The following PCDHA11 variants were observed in gnomAD, a reference collection of about 807,000 sequenced individuals.
The protein encoded by PCDHA11 is protocadherin alpha 11, also known as protocadherin alpha-11.
A neutral mutation model predicts 70.3 loss-of-function variants in PCDHA11; 61 were observed. The observed-to-expected ratio is 0.87, with a 90% CI of 0.71 to 1.07. PCDHA11 has a LOEUF of 1.07. Among genes scored for constraint, PCDHA11 ranks in the 50% least tolerant of loss-of-function variants. The probability of loss-of-function intolerance (pLI) is 0.00; values close to 1 mark genes in which losing one functional copy is unlikely to be tolerated. For synonymous variants in PCDHA11, 633 were observed against 555.1 expected, an observed-to-expected ratio of 1.14 and a Z score of -1.97; for missense variants, 1,324 against 1,237.5, an observed-to-expected ratio of 1.07 and a Z score of -1.05.
At chr5:140,876,567 G>A (rs782286416) in intron 1 of PCDHA11, 1 of 1,614,186 alleles carries the variant, frequency 6.2e-7, no homozygotes, top group Non-Finnish European at 8.5e-7. Context: ...ATGCTCAGGT[G>A]GGTACCGTCA....
intron 1 of PCDHA11, chr5:140,876,225 G>C: frequency 1.2e-6 from 2 of 1,613,982 alleles, no homozygotes; most frequent in Non-Finnish European, 1.7e-6. Context: ...AAGTAGTGTT[G>C]TCTGAAAATG....
chr5:140,926,223 TAGA>T, intron 1 of PCDHA11: 1 of 152,200 alleles, frequency 6.6e-6, no homozygotes, highest in Non-Finnish European at 1.5e-5. Flanking sequence ...TCCTTAAGCC[TAGA>T]AGGTGTGGTC....
chr5:140,876,774 G>A lies in PCDHA11; in HGVS notation c.2391+5280G>A, dbSNP rs370558767. 5.3e-5 allele frequency: 85 copies of A among 1,614,110 alleles called. No homozygotes were observed. The South Asian group carries it at 8.5e-4, about 16-fold the overall frequency. ...CTGCGCGGGATGGGGGCTCGCCTTC[G>A]CTGTGGGCCACGGCTAGAGTGTCCG... is the stretch of plus-strand genomic sequence containing the variant. On this transcript the variant is annotated intron_variant, in intron 1 of 3. Coordinates refer to ENST00000398640, the MANE Select transcript of PCDHA11 (RefSeq NM_018902.5).
chr5:140,912,918 G>A (rs1302662045), intron 1 of PCDHA11, among the ~76,000 whole-genome samples: 16 of 152,284 alleles, frequency 1.1e-4, no homozygotes, highest in Middle Eastern at 3.4e-3. Flanking sequence ...ATTGATTTGT[G>A]TATGTTGAAT....
chr5:140,962,855 G>A (rs556272423), intron 1 of PCDHA11, among the ~76,000 whole-genome samples: 286 of 152,196 alleles, frequency 1.9e-3, no homozygotes, highest in Admixed American at 3.8e-3. Context: ...CTTGTGCTCG[G>A]TTTGTAGAGC....
At chr5:140,928,271 C>G in intron 1 of PCDHA11, 2 of 1,614,186 alleles carry the variant, frequency 1.2e-6, no homozygotes, top group East Asian at 4.5e-5. Flanking sequence ...AACAATGGCC[C>G]TGGGGCCTCT....
chr5:140,941,214 C>CCTTCCTTTCTTTCTTT (rs1554214040), intron 1 of PCDHA11, among the ~76,000 whole-genome samples: 12 of 122,414 alleles, frequency 9.8e-5, no homozygotes, highest in Admixed American at 6.8e-4. Flanking sequence ...TTTCTTTCTT[C>CCTTCCTTTCTTTCTTT]CTTTCTTTCT....
intron 1 of PCDHA11, among the ~76,000 whole-genome samples, chr5:140,919,193 T>C (rs1444043948): frequency 6.6e-6 from 1 of 152,262 alleles, no homozygotes; most frequent in African/African-American, 2.4e-5. Flanking sequence ...ATTGGTCCTT[T>C]TGTCATTATA....
intron 1 of PCDHA11, chr5:140,929,361 C>T (rs115903226): frequency 3.5e-5 from 53 of 1,519,472 alleles, no homozygotes; most frequent in Middle Eastern, 1.8e-4. Context: ...TCCTTTGGCC[C>T]GGAGATGGCT....
At chr5:140,930,993 C>T (rs1275430453) in intron 1 of PCDHA11, among the ~76,000 whole-genome samples, 1 of 152,140 alleles carries the variant, frequency 6.6e-6, no homozygotes, top group African/African-American at 2.4e-5. Flanking sequence ...TCATGACCTA[C>T]ACTAATAACA....
At chr5:140,926,738 G>T in intron 1 of PCDHA11, 1 of 1,162,106 alleles carries the variant, frequency 8.6e-7, no homozygotes, top group Non-Finnish European at 1.1e-6. Context: ...TTCGGGAGGC[G>T]CAACGTCGGC....
chr5:140,926,585 G>T, intron 1 of PCDHA11: 1 of 283,896 alleles, frequency 3.5e-6, no homozygotes, highest in Non-Finnish European at 6.5e-6. Flanking sequence ...CACCTCTCGC[G>T]CCCGGGCGGG....
rs2154002003 is a variant in PCDHA11, at chr5:141,010,389, G to GAC, written c.*453_*454dup. The stretch of plus-strand genomic sequence containing the variant: ...TATGCGAGTGCCAGATATTGGCTGA[G>GAC]ACGAGCCAGCTTAGACTAATTGGTA... On this transcript the variant is annotated 3_prime_UTR_variant, in exon 4 of 4. Coordinates refer to ENST00000398640, the MANE Select transcript of PCDHA11 (RefSeq NM_018902.5). 1.4e-6 allele frequency: 2 copies of GAC among 1,400,314 alleles called. No individual in the cohort carries two copies. The highest frequency in any genetic ancestry group is 5.0e-5 in the East Asian group (2 of 40,030). The allele number at this position is 1,400,314 out of a possible 1,614,324, so 86.7% of individuals were successfully genotyped here. A position where few individuals can be genotyped will look rare whatever the true frequency, so the allele number is the denominator to read the frequency against.
chr5:140,879,675 G>A (rs141369145), intron 1 of PCDHA11, among the ~76,000 whole-genome samples: 1 of 152,360 alleles, frequency 6.6e-6, no homozygotes, highest in South Asian at 2.1e-4. Context: ...CAAACTGGGT[G>A]CTGTAAAACA....
In PCDHA11 at chr5:141,009,853, G is replaced by A. The variant is rs1482682626; in HGVS notation, c.2766G>A (p.Lys922=). The change falls in exon 4 of 4, where the codon AAG becomes AAA. Residue 922 remains lysine (K), a synonymous_variant. Transcript: ENST00000398640. ...FITFGKKEET[K]KKKKKKKGNK... ...CCTTCGGCAAAAAGGAGGAGACCAAGAAAAAGAAGAAAAAGAAGAAGGGTA... is the reference window on the plus strand; with the variant it reads ...CCTTCGGCAAAAAGGAGGAGACCAAAAAAAAGAAGAAAAAGAAGAAGGGTA... 12 of 1,613,590 alleles carry A rather than the reference G, an allele frequency of 7.4e-6. No individual in the cohort carries two copies. Among genetic ancestry groups the A allele is most frequent in the Non-Finnish European group, 1.0e-5 (12 of 1,179,924 alleles).
intron 1 of PCDHA11, chr5:140,929,103 G>A: frequency 6.2e-7 from 1 of 1,614,180 alleles, no homozygotes; most frequent in African/African-American, 1.3e-5. Flanking sequence ...ATCCTTGCAT[G>A]ACATCAGCCA....
intron 1 of PCDHA11, among the ~76,000 whole-genome samples, chr5:140,874,462 A>G (rs1471984599): frequency 7.2e-5 from 11 of 152,228 alleles, no homozygotes; most frequent in African/African-American, 2.7e-4. Flanking sequence ...CTGTAGGGGA[A>G]GATTTAGAGA....
At chr5:140,956,890 G>T (rs2095318198) in intron 1 of PCDHA11, among the ~76,000 whole-genome samples, 3 of 152,136 alleles carry the variant, frequency 2.0e-5, no homozygotes, top group Non-Finnish European at 4.4e-5. Context: ...ATCAATGAAT[G>T]AATATTCTTA....
chr5:140,921,257 A>G lies in PCDHA11; in HGVS notation c.2391+49763A>G, dbSNP rs115706395. On this transcript the variant is annotated intron_variant, in intron 1 of 3. Coordinates refer to ENST00000398640, the MANE Select transcript of PCDHA11 (RefSeq NM_018902.5). The stretch of plus-strand genomic sequence containing the variant: ...ATTAAGCCACAGATCAAAAAGTCCT[A>G]GACTTTTATACTTACTTGAAAAAAA... 1.4e-3 allele frequency among the ~76,000 whole-genome samples: 213 copies of G among 152,258 alleles called. 1 individual carries two copies. The highest frequency in any genetic ancestry group is 4.8e-3 in the African/African-American group (199 of 41,532).
Sources: gnomAD v4.1 joint callset for allele counts (sites outside exome capture counted in the v4.1 genomes callset) on GRCh38, gnomAD v4.1.1 for gene constraint, MANE v1.5 for transcripts, NCBI Gene and HGNC (gene_info 2026-07-23, HGNC 2026-07-21) for gene names.